HS1BP3: variants seen among roughly 807,000 people sequenced by gnomAD.
HS1BP3 encodes HCLS1-binding protein 3.
In HS1BP3, 32 loss-of-function variants were observed where a neutral mutation model predicts 33.5. The observed-to-expected ratio is 0.95, with a 90% CI of 0.72 to 1.28. HS1BP3 has a LOEUF of 1.28. Ranked by LOEUF, HS1BP3 falls within the 50% of genes most tolerant of loss-of-function variation. HS1BP3 has a pLI of 0.00. For synonymous variants in HS1BP3, 187 were observed against 209.2 expected (o/e 0.89, Z 0.92); for missense variants, 486 against 502.3 (o/e 0.97, Z 0.31).
At chr2:20,620,718 G>T (rs1270995862) in intron 6 of HS1BP3, among the ~76,000 whole-genome samples, 4 of 152,220 alleles carry the variant, frequency 2.6e-5, no homozygotes, top group Non-Finnish European at 5.9e-5. Context: ...TCCTCACAGG[G>T]ATTCTTACAA....
At position 20,608,948 on chromosome 2, in the gene HS1BP3, A is replaced by C. The variant is rs147461749; in HGVS notation, c.179-10683T>G. On this transcript the variant is annotated intron_variant, in intron 2 of 3. Transcript: ENST00000415264. ...CTGAGCATGAAGAGGCCTGAGGCAC[A>C]CTTCATAAATGCTGAGGTCCTGAAA... 5.2e-4 allele frequency among the ~76,000 whole-genome samples: 79 copies of C among 152,316 alleles called. No individual in the cohort carries two copies. The East Asian group carries it at 0.012, about 22-fold the overall frequency.
At chr2:20,602,269 C>T (rs1299603562) in intron 2 of HS1BP3, among the ~76,000 whole-genome samples, 2 of 151,946 alleles carry the variant, frequency 1.3e-5, no homozygotes, top group Admixed American at 6.5e-5. Flanking sequence ...CTCTTCTAAA[C>T]TACAGATACA....
chr2:20,555,726 G>A (rs1271593198), downstream of HS1BP3, among the ~76,000 whole-genome samples: 1 of 150,520 alleles, frequency 6.6e-6, no homozygotes, highest in African/African-American at 2.5e-5. Context: ...TTCTGTGTGT[G>A]GGAGGAGCTT....
intron 5 of HS1BP3, among the ~76,000 whole-genome samples, chr2:20,579,110 T>C (rs1036936304): frequency 1.3e-5 from 2 of 152,224 alleles, no homozygotes; most frequent in Non-Finnish European, 2.9e-5. Flanking sequence ...TGGAGGCTTC[T>C]GTTAAGTCCA....
intron 2 of HS1BP3, among the ~76,000 whole-genome samples, chr2:20,612,689 G>A (rs1349458180): frequency 6.6e-6 from 1 of 152,098 alleles, no homozygotes; most frequent in Non-Finnish European, 1.5e-5. Flanking sequence ...TGGATTTACT[G>A]CATTTAGTTT....
intron 5 of HS1BP3, among the ~76,000 whole-genome samples, chr2:20,569,214 CCTGT>C (rs148247827): frequency 8.0e-4 from 122 of 152,316 alleles, no homozygotes; most frequent in Non-Finnish European, 1.6e-3. Flanking sequence ...ACATGTTTAG[CCTGT>C]CTGTGACTCA....
At chr2:20,640,697 T>G (rs1363624920) in intron 3 of HS1BP3, 2 of 584,094 alleles carry the variant, frequency 3.4e-6, no homozygotes, top group African/African-American at 3.7e-5. Flanking sequence ...GCTCTAGGAA[T>G]GGGGCTGGCC....
chr2:20,630,708 G>GCACTA (rs1377382262), intron 4 of HS1BP3, among the ~76,000 whole-genome samples: 1 of 152,260 alleles, frequency 6.6e-6, no homozygotes, highest in Non-Finnish European at 1.5e-5. Flanking sequence ...CTGAGGACAG[G>GCACTA]CACTAACCCT....
intron 5 of HS1BP3, among the ~76,000 whole-genome samples, chr2:20,573,533 T>TTC (rs764226826): frequency 3.0e-4 from 46 of 152,168 alleles, no homozygotes; most frequent in Non-Finnish European, 5.6e-4. Flanking sequence ...AAACCTGAGA[T>TTC]TCACAGGTTC....
At chr2:20,631,209 G>A (rs1033461855) in intron 4 of HS1BP3, among the ~76,000 whole-genome samples, 1 of 151,972 alleles carries the variant, frequency 6.6e-6, no homozygotes, top group African/African-American at 2.4e-5. Flanking sequence ...TTCACTCTGG[G>A]CCTTAAAAAG....
rs2149306715 is a variant in HS1BP3, at chr2:20,651,069, C to T, written c.-6G>A. ...AGCACCGCCGGGGACTGCATGACGG[C>T]GGCGGGGACTCCGGGCGGGGCGCGC... On this transcript the variant is annotated 5_prime_UTR_variant, in exon 1 of 7. Coordinates refer to ENST00000304031, the MANE Select transcript of HS1BP3 (RefSeq NM_022460.4). The T allele has an allele frequency of 1.6e-6, 2 of 1,233,344 alleles. No homozygotes were observed. Among genetic ancestry groups the T allele is most frequent in the East Asian group, 3.1e-5 (1 of 31,952 alleles). 76.4% of individuals were successfully genotyped at this position (1,233,344 alleles called of 1,614,324 possible).
At chr2:20,577,705 A>C (rs1239958870) in intron 5 of HS1BP3, among the ~76,000 whole-genome samples, 1 of 152,208 alleles carries the variant, frequency 6.6e-6, no homozygotes, top group Non-Finnish European at 1.5e-5. Flanking sequence ...AGACCAACTC[A>C]GGCCGGGTGC....
chr2:20,610,712 A>G (rs1040434010), intron 2 of HS1BP3, among the ~76,000 whole-genome samples: 6 of 152,230 alleles, frequency 3.9e-5, no homozygotes, highest in South Asian at 4.1e-4. Context: ...TTGTGAGGAC[A>G]TAAGTTTTAA....
intron 4 of HS1BP3, among the ~76,000 whole-genome samples, chr2:20,625,285 CCG>C (rs1694744610): frequency 6.6e-6 from 1 of 152,246 alleles, no homozygotes; most frequent in African/African-American, 2.4e-5. Flanking sequence ...GCTGCCAGGA[CCG>C]GGCACCAGCT....
chr2:20,564,543 G>T (rs1572286076), intron 5 of HS1BP3, among the ~76,000 whole-genome samples: 1 of 152,094 alleles, frequency 6.6e-6, no homozygotes, highest in African/African-American at 2.4e-5. Flanking sequence ...GAGTGCAGTG[G>T]TATGATCTTG....
In HS1BP3 at chr2:20,618,706, A is replaced by T. The variant is rs1291380298; in HGVS notation, c.*281T>A. Reference sequence around the variant, plus strand: ...CTTGGGGCTGGGCTTCTGGTTGGCAAGGCATCCCCACACCCTCCCTCCCCT... The same window carrying T: ...CTTGGGGCTGGGCTTCTGGTTGGCATGGCATCCCCACACCCTCCCTCCCCT... On this transcript the variant is annotated 3_prime_UTR_variant, in exon 7 of 7. Transcript: ENST00000304031. 2 of 1,232,192 alleles carry T rather than the reference A, an allele frequency of 1.6e-6. No individual in the cohort carries two copies. The allele number at this position is 1,232,192 out of a possible 1,614,324, so 76.3% of individuals were successfully genotyped here.
rs376807008 is a variant in HS1BP3 at position 20,644,180 on chromosome 2, A to C, written c.198+1160T>G. 5.3e-5 allele frequency among the ~76,000 whole-genome samples: 8 copies of C among 152,272 alleles called. No homozygotes were observed. In the East Asian group the frequency reaches 9.6e-4, roughly 18 times the overall value. Reference sequence around the variant, plus strand: ...CTTTTCACAAGAGGCCAAATGGTAAATAATAAGCCAATGAGTGTGTGATCT... The same window carrying C: ...CTTTTCACAAGAGGCCAAATGGTAACTAATAAGCCAATGAGTGTGTGATCT... On this transcript the variant is annotated intron_variant, in intron 2 of 6. Coordinates refer to ENST00000304031, the MANE Select transcript of HS1BP3 (RefSeq NM_022460.4).
At chr2:20,610,303 G>A (rs899000663) in intron 2 of HS1BP3, among the ~76,000 whole-genome samples, 2 of 152,108 alleles carry the variant, frequency 1.3e-5, no homozygotes, top group African/African-American at 2.4e-5. Context: ...ATAATGCCAC[G>A]GATCCACCAT....
chr2:20,627,887 C>T (rs1386719197), intron 4 of HS1BP3, among the ~76,000 whole-genome samples: 1 of 152,154 alleles, frequency 6.6e-6, no homozygotes. Flanking sequence ...CCTTGATAAA[C>T]TCTGGATGAG....
Sources: gnomAD v4.1 joint callset for allele counts (sites outside exome capture counted in the v4.1 genomes callset) on GRCh38, gnomAD v4.1.1 for gene constraint, MANE v1.5 for transcripts, NCBI Gene and HGNC (gene_info 2026-07-23, HGNC 2026-07-21) for gene names.